The following GMDS variants were observed in gnomAD, a reference collection of about 807,000 sequenced individuals.
The protein encoded by GMDS is GDP-mannose 4,6 dehydratase.
A neutral mutation model predicts 49.9 loss-of-function variants in GMDS; 20 were observed. That is an observed-to-expected ratio of 0.40 (90% CI 0.28 to 0.58). GMDS has a LOEUF of 0.58. Among genes scored for constraint, GMDS ranks in the 20% least tolerant of loss-of-function variants. The pLI is 0.42. For missense variants in GMDS, 362 were observed against 481.4 expected (o/e 0.75, Z 2.32); for synonymous variants, 177 against 178.6 (o/e 0.99, Z 0.07).
intron 4 of GMDS, among the ~76,000 whole-genome samples, chr6:2,040,424 T>C (rs1368918970): frequency 1.3e-5 from 2 of 152,236 alleles, no homozygotes; most frequent in African/African-American, 4.8e-5. Flanking sequence ...GGCTAGTTAC[T>C]ATCCAGAACA....
chr6:1,845,654 G>C (rs1018135012), intron 7 of GMDS, among the ~76,000 whole-genome samples: 1 of 152,244 alleles, frequency 6.6e-6, no homozygotes, highest in South Asian at 2.1e-4. Flanking sequence ...CCACGGACTG[G>C]GGGTGTGGGG....
At chr6:2,123,088 A>C (rs951866561) in intron 2 of GMDS, among the ~76,000 whole-genome samples, 9 of 152,220 alleles carry the variant, frequency 5.9e-5, no homozygotes, top group Non-Finnish European at 1.3e-4. Flanking sequence ...CTAGTTCCTT[A>C]ACAAGGGACA....
At chr6:1,714,994 G>T (rs149662131) in intron 9 of GMDS, among the ~76,000 whole-genome samples, 1 of 152,304 alleles carries the variant, frequency 6.6e-6, no homozygotes, top group African/African-American at 2.4e-5. Flanking sequence ...AGTTGGGATA[G>T]ATCAACAAGA....
chr6:1,861,549 C>T (rs1051624815), intron 7 of GMDS, among the ~76,000 whole-genome samples: 13 of 150,588 alleles, frequency 8.6e-5, no homozygotes, highest in Admixed American at 2.7e-4. Flanking sequence ...CCAGGCTGAG[C>T]AGATTCCTCT....
At chr6:1,961,068 G>A in intron 4 of GMDS, 102 bp from the exon 5 acceptor site, 1 of 566,964 alleles carries the variant, frequency 1.8e-6, no homozygotes, top group Non-Finnish European at 3.0e-6. Context: ...GTGAAATGTT[G>A]GTGAGAAAAT....
intron 9 of GMDS, among the ~76,000 whole-genome samples, chr6:1,630,954 C>T (rs1482108455): frequency 6.6e-6 from 1 of 152,196 alleles, no homozygotes; most frequent in Non-Finnish European, 1.5e-5. Context: ...GTGACCTCAG[C>T]ATTCCAGGCT....
chr6:2,223,680 T>G (rs1036899081), intron 1 of GMDS, among the ~76,000 whole-genome samples: 1 of 152,126 alleles, frequency 6.6e-6, no homozygotes, highest in African/African-American at 2.4e-5. Context: ...TTTCTGACTT[T>G]GGCTCCCAAA....
chr6:1,947,917 C>T (rs1251335642), intron 6 of GMDS, among the ~76,000 whole-genome samples: 1 of 152,088 alleles, frequency 6.6e-6, no homozygotes, highest in Non-Finnish European at 1.5e-5. Context: ...TCATATGTTC[C>T]TTTATGCATT....
At chr6:2,073,693 T>A (rs1772149314) in intron 4 of GMDS, among the ~76,000 whole-genome samples, 1 of 152,198 alleles carries the variant, frequency 6.6e-6, no homozygotes, top group Admixed American at 6.5e-5. Context: ...CTCTCTGGCA[T>A]CTATCGTTCT....
At chr6:2,155,435 T>C (rs868396287) in intron 1 of GMDS, among the ~76,000 whole-genome samples, 2 of 152,096 alleles carry the variant, frequency 1.3e-5, no homozygotes, top group Non-Finnish European at 1.5e-5. Flanking sequence ...GTGGATGTCT[T>C]TTGTGGCTGA....
intron 8 of GMDS, among the ~76,000 whole-genome samples, chr6:1,741,326 C>T (rs1485622139): frequency 1.3e-5 from 2 of 152,120 alleles, no homozygotes; most frequent in Admixed American, 6.5e-5. Flanking sequence ...CCATTCTCTC[C>T]CCAGCCTCTT....
At chr6:2,164,184 A>C (rs1581734931) in intron 1 of GMDS, among the ~76,000 whole-genome samples, 1 of 152,342 alleles carries the variant, frequency 6.6e-6, no homozygotes, top group African/African-American at 2.4e-5. Flanking sequence ...TAGTGAGTAT[A>C]TGTCAACAAA....
chr6:1,713,982 G>A (rs1766076567), intron 9 of GMDS, among the ~76,000 whole-genome samples: 1 of 152,158 alleles, frequency 6.6e-6, no homozygotes, highest in African/African-American at 2.4e-5. Flanking sequence ...AGAAGACACT[G>A]TACACCTTAT....
chr6:2,151,501 A>G (rs999160818), intron 1 of GMDS, among the ~76,000 whole-genome samples: 2 of 152,112 alleles, frequency 1.3e-5, no homozygotes, highest in Non-Finnish European at 2.9e-5. Context: ...CAAGTAAGCT[A>G]TATGTCTTTG....
At chr6:1,641,645 G>A (rs539499034) in intron 9 of GMDS, among the ~76,000 whole-genome samples, 16 of 152,282 alleles carry the variant, frequency 1.1e-4, no homozygotes, top group Admixed American at 2.0e-4. Flanking sequence ...GCTCCATTCT[G>A]CTGCTCAAGG....
intron 6 of GMDS, among the ~76,000 whole-genome samples, chr6:1,952,917 A>G (rs569092416): frequency 2.1e-4 from 32 of 152,308 alleles, no homozygotes; most frequent in African/African-American, 7.5e-4. Flanking sequence ...GCCAATCCCT[A>G]TGAGTGACTC....
intron 6 of GMDS, among the ~76,000 whole-genome samples, chr6:1,944,889 A>C (rs149528349): frequency 0.01 from 1,567 of 152,282 alleles, 29 homozygotes; most frequent in African/African-American, 0.037. Context: ...CTCTAATGAC[A>C]GTTTCTGTTA....
chr6:1,966,350 G>A (rs1193811387), intron 4 of GMDS, among the ~76,000 whole-genome samples: 1 of 141,054 alleles, frequency 7.1e-6, no homozygotes, highest in African/African-American at 2.7e-5. Context: ...ACCTAATAAG[G>A]AGAACAAAAA....
intron 7 of GMDS, among the ~76,000 whole-genome samples, chr6:1,896,873 T>G (rs535316145): frequency 1.3e-5 from 2 of 152,056 alleles, no homozygotes; most frequent in East Asian, 1.9e-4. Context: ...GGTGATATAA[T>G]AGGGATGAAC....
Sources: gnomAD v4.1 joint callset for allele counts (sites outside exome capture counted in the v4.1 genomes callset) on GRCh38, gnomAD v4.1.1 for gene constraint, MANE v1.5 for transcripts, NCBI Gene and HGNC (gene_info 2026-07-23, HGNC 2026-07-21) for gene names.